Variants in TCF12 observed in about 807,000 individuals in gnomAD.
The protein encoded by TCF12 is DNA-binding protein HTF4.
Under a neutral mutation model 86.0 loss-of-function variants are expected in TCF12, and 45 were observed. The observed-to-expected ratio is 0.52, with a 90% CI of 0.41 to 0.67. The LOEUF (loss-of-function observed/expected upper bound fraction) is 0.67, where lower values mean the gene tolerates loss of function less well. Ranked by LOEUF, TCF12 falls within the 30% of genes least tolerant of loss-of-function variation. The probability of loss-of-function intolerance (pLI) is 0.00; values close to 1 mark genes in which losing one functional copy is unlikely to be tolerated. For synonymous variants in TCF12, 330 were observed against 299.6 expected (o/e 1.10, Z -1.05); for missense variants, 881 against 859.9 (o/e 1.02, Z -0.31).
chr15:57,086,164 C>G (rs1279823290), intron 4 of TCF12, among the ~76,000 whole-genome samples: 1 of 149,392 alleles, frequency 6.7e-6, no homozygotes, highest in Non-Finnish European at 1.5e-5. Context: ...AATAGGGTCC[C>G]TGTGCTCTCA....
At chr15:56,959,415 A>G (rs1387750587) in intron 3 of TCF12, among the ~76,000 whole-genome samples, 2 of 152,216 alleles carry the variant, frequency 1.3e-5, no homozygotes, top group Non-Finnish European at 2.9e-5. Context: ...AAGCTGAGCA[A>G]CCTTAAAATC....
chr15:57,068,261 G>A (rs780584676), intron 4 of TCF12, among the ~76,000 whole-genome samples: 2 of 152,152 alleles, frequency 1.3e-5, no homozygotes, highest in Non-Finnish European at 2.9e-5. Context: ...AAATTGCATA[G>A]ATCAATGTCT....
intron 3 of TCF12, among the ~76,000 whole-genome samples, chr15:56,958,719 T>C (rs1357280526): frequency 1.6e-5 from 2 of 126,786 alleles, no homozygotes. Context: ...GTGTGTGAAG[T>C]GCAATAAGGC....
chr15:57,066,537 A>G (rs1254240929), intron 4 of TCF12, among the ~76,000 whole-genome samples: 1 of 152,118 alleles, frequency 6.6e-6, no homozygotes, highest in Non-Finnish European at 1.5e-5. Context: ...ATTTAAAAAT[A>G]ATTTGATTTT....
intron 3 of TCF12, among the ~76,000 whole-genome samples, chr15:57,026,829 G>A (rs1433915990): frequency 6.6e-6 from 1 of 152,002 alleles, no homozygotes; most frequent in African/African-American, 2.4e-5. Context: ...GATGCTGAAG[G>A]CCTTTATATA....
At chr15:56,934,904 G>A (rs543690065) in intron 3 of TCF12, among the ~76,000 whole-genome samples, 12 of 152,086 alleles carry the variant, frequency 7.9e-5, no homozygotes, top group Non-Finnish European at 1.3e-4. Flanking sequence ...GTCATGGAAC[G>A]ATTTGACAGT....
intron 5 of TCF12, among the ~76,000 whole-genome samples, chr15:57,143,809 G>A (rs1347725522): frequency 1.3e-5 from 2 of 152,174 alleles, no homozygotes; most frequent in African/African-American, 4.8e-5. Flanking sequence ...GTAAGCAAAT[G>A]ACTTTTTGTA....
At chr15:57,092,143 A>G (rs1307870233) in intron 5 of TCF12, 3 of 344,948 alleles carry the variant, frequency 8.7e-6, no homozygotes, top group South Asian at 5.9e-5. Flanking sequence ...AGTTTTGGCA[A>G]TGTCTTTGTG....
chr15:57,000,278 G>T (rs1011033955), intron 3 of TCF12, among the ~76,000 whole-genome samples: 1 of 151,606 alleles, frequency 6.6e-6, no homozygotes, highest in Non-Finnish European at 1.5e-5. Flanking sequence ...GGGCTGAAGC[G>T]ATCCTCTCGC....
At chr15:56,966,936 A>G (rs2062032347) in intron 3 of TCF12, among the ~76,000 whole-genome samples, 1 of 152,202 alleles carries the variant, frequency 6.6e-6, no homozygotes, top group South Asian at 2.1e-4. Context: ...CAACCTGGCC[A>G]ACATGGTGAA....
chr15:57,004,206 T>TA (rs1329854588), intron 3 of TCF12, among the ~76,000 whole-genome samples: 2 of 151,926 alleles, frequency 1.3e-5, no homozygotes, highest in Non-Finnish European at 2.9e-5. Context: ...AACCTAAACG[T>TA]AGGTCTTAAC....
rs745325006 is a variant in TCF12, at chr15:57,124,041, C to G, written c.325+32150C>G. Among the ~76,000 whole-genome samples the G allele has an allele frequency of 3.3e-5, 5 of 150,898 alleles. No individual in the cohort carries two copies. The South Asian group carries it at 1.0e-3, about 32-fold the overall frequency. On this transcript the variant is annotated intron_variant, in intron 5 of 20. Coordinates refer to ENST00000333725, the MANE Select transcript of TCF12 (RefSeq NM_207037.2). ...CATTGCCCAGGCTGGTCTCAAATTC[C>G]TGAGCTCAAGTGATCCCGCTACCTC...
chr15:57,077,367 GTGTGTGTA>G lies in TCF12; in HGVS notation c.222+13546_222+13553del, dbSNP rs1567375462. Among the ~76,000 whole-genome samples, 13 of 31,986 alleles carry G rather than the reference GTGTGTGTA, an allele frequency of 4.1e-4. 1 individual carries two copies. The highest frequency in any genetic ancestry group is 1.1e-3 in the African/African-American group (12 of 10,986). 21.0% of individuals were successfully genotyped at this position (31,986 alleles called of 152,430 possible). On this transcript the variant is annotated intron_variant, in intron 4 of 20. Coordinates refer to ENST00000333725, the MANE Select transcript of TCF12 (RefSeq NM_207037.2). ...TGTGTGTGTGTGTGTGTGTGTGTGT[GTGTGTGTA>G]TATATATTTTTTTTTTTTTGGCAAG...
intron 3 of TCF12, among the ~76,000 whole-genome samples, chr15:57,043,267 G>C (rs2067013767): frequency 6.6e-6 from 1 of 152,048 alleles, no homozygotes; most frequent in East Asian, 1.9e-4. Flanking sequence ...ATACCTTTTT[G>C]AGATCCTGAT....
rs1567509264 is a variant in TCF12 at position 57,143,972 on chromosome 15, C to T, written c.326-22430C>T. Among the ~76,000 whole-genome samples, 4 of 152,112 alleles carry T rather than the reference C, an allele frequency of 2.6e-5. 1 individual carries two copies. The South Asian group carries it at 6.2e-4, about 24-fold the overall frequency. On this transcript the variant is annotated intron_variant, in intron 5 of 20. Coordinates refer to ENST00000333725, the MANE Select transcript of TCF12 (RefSeq NM_207037.2). ...GACAATTGAGTTCTTTTAGGAGGCTCTGCTTTTAGGCAGATAAGGATTTCA... is the reference window on the plus strand; with the variant it reads ...GACAATTGAGTTCTTTTAGGAGGCTTTGCTTTTAGGCAGATAAGGATTTCA...
At position 57,223,653 on chromosome 15, in the gene TCF12, T is replaced by TG. The variant is rs1555400235; in HGVS notation, c.580-7499_580-7498insG. On this transcript the variant is annotated intron_variant, in intron 8 of 20. Coordinates refer to ENST00000333725, the MANE Select transcript of TCF12 (RefSeq NM_207037.2). ...CTGCCTACCAATGAGGTTTTTTTTT[T>TG]TTTTTTTTTTTTTTTTTTAGAAATA... 1.6e-3 allele frequency among the ~76,000 whole-genome samples: 223 copies of TG among 135,364 alleles called. 3 individuals are homozygous for TG. Among genetic ancestry groups the TG allele is most frequent in the African/African-American group, 5.8e-3 (212 of 36,240 alleles). The allele number at this position is 135,364 out of a possible 152,430, so 88.8% of individuals were successfully genotyped here.
intron 5 of TCF12, chr15:57,092,161 G>A (rs905464634): frequency 2.9e-5 from 9 of 310,892 alleles, no homozygotes; most frequent in Non-Finnish European, 5.4e-5. Context: ...GTGACCTCAA[G>A]CATTACATGT....
chr15:57,095,727 GAGTT>G (rs1439869486), intron 5 of TCF12, among the ~76,000 whole-genome samples: 1 of 152,126 alleles, frequency 6.6e-6, no homozygotes, highest in Non-Finnish European at 1.5e-5. Context: ...GCAGGGCTGA[GAGTT>G]AGGAGGTGTG....
chr15:56,964,515 G>T (rs1234477227), intron 3 of TCF12, among the ~76,000 whole-genome samples: 2 of 152,016 alleles, frequency 1.3e-5, no homozygotes, highest in African/African-American at 4.8e-5. Flanking sequence ...TCTCCTGCCT[G>T]GCATGTCTTT....
Sources: allele counts gnomAD v4.1 joint callset (sites outside exome capture counted in the v4.1 genomes callset), GRCh38; gene constraint gnomAD v4.1.1; transcripts MANE v1.5; gene names NCBI Gene and HGNC (gene_info 2026-07-23, HGNC 2026-07-21).